BRSK1: variants seen among roughly 807,000 people sequenced by gnomAD.
BRSK1 encodes the protein BR serine/threonine kinase 1, also known as serine/threonine-protein kinase BRSK1.
A neutral mutation model predicts 86.2 loss-of-function variants in BRSK1; 17 were observed. The ratio of observed to expected loss-of-function variants is 0.20; its 90% CI spans 0.14 to 0.30. BRSK1 has a LOEUF of 0.30. BRSK1 is among the 10% of genes least tolerant of loss of function. The pLI is 1.00. For synonymous variants in BRSK1, 464 were observed against 440.1 expected, an observed-to-expected ratio of 1.05 and a Z score of -0.68; for missense variants, 719 against 1,071.9, an observed-to-expected ratio of 0.67 and a Z score of 4.60.
At chr19:55,290,270 A>G (rs1417732253) in intron 4 of BRSK1, among the ~76,000 whole-genome samples, 1 of 152,228 alleles carries the variant, frequency 6.6e-6, no homozygotes, top group African/African-American at 2.4e-5. Flanking sequence ...TGCTAGGATT[A>G]CAGGCGTGAG....
chr19:55,311,905 TTGC>T lies in BRSK1; in HGVS notation c.2180-5_2180-3del. The stretch of plus-strand genomic sequence containing the variant: ...AACCCACGAAAAACCTCTTCCTCCC[TTGC>T]AGACGAGAAGAACGGGGCCCAGACC... On this transcript the variant is annotated splice_region_variant and splice_polypyrimidine_tract_variant and intron_variant, in intron 18 of 18. Coordinates refer to ENST00000309383, the MANE Select transcript of BRSK1 (RefSeq NM_032430.2). 1 of 1,611,132 alleles carries T rather than the reference TTGC, an allele frequency of 6.2e-7. No homozygotes were observed. The highest frequency in any genetic ancestry group is 2.2e-5 in the East Asian group (1 of 44,698).
rs1285765238 is a variant in BRSK1, at chr19:55,285,707, G to A, written c.136+1129G>A. On this transcript the variant is annotated intron_variant, in intron 1 of 18. Coordinates refer to ENST00000309383, the MANE Select transcript of BRSK1 (RefSeq NM_032430.2). ...TGTTGCTGAACGCTGGCCACCGGCC[G>A]CGGCCTCCTTCCTGCCGGATGGATG... 7.9e-5 allele frequency among the ~76,000 whole-genome samples: 12 copies of A among 152,286 alleles called. No homozygotes were observed. The East Asian group carries it at 1.6e-3, about 20-fold the overall frequency.
Position 55,304,810 on chromosome 19 carries a change from C to G in BRSK1, c.1607C>G (p.Pro536Arg), listed in dbSNP as rs775079832. Residue 536 changes from proline (P) to arginine (R), a missense_variant, in exon 14 of 19, where the codon CCA becomes CGA. This residue lies in a region of BRSK1 where 143 missense variants were observed against 120.1 expected (regional missense o/e 1.19). Transcript: ENST00000309383. The surrounding 1 kb of genome is among the most constrained non-coding windows in gnomAD (Gnocchi z 5.2). ...ASPTGTPGTT[P>R]PPSPGGGVGG... ...CCCACCGGGACCCCGGGGACAACAC[C>G]ACCCCCCAGCCCCGGCGGTGGCGTC... is the stretch of plus-strand genomic sequence containing the variant. 1.3e-6 allele frequency: 2 copies of G among 1,576,444 alleles called. No individual in the cohort carries two copies. Among genetic ancestry groups the G allele is most frequent in the Non-Finnish European group, 1.7e-6 (2 of 1,164,776 alleles).
rs1413908050 is a variant in BRSK1 at position 55,312,427 on chromosome 19, C to G, written c.*359C>G. ...CCAACCCCCTCTTCCCGGGCCCCTC[C>G]TCCCCTGGTCCTCCCCCCACGACCT... On this transcript the variant is annotated 3_prime_UTR_variant, in exon 19 of 19. Transcript: ENST00000309383. 5.3e-6 allele frequency: 1 copy of G among 188,188 alleles called. No homozygotes were observed. The highest frequency in any genetic ancestry group is 1.1e-5 in the Non-Finnish European group (1 of 93,242). The allele number at this position is 188,188 out of a possible 1,614,324, so 11.7% of individuals were successfully genotyped here. A position where few individuals can be genotyped will look rare whatever the true frequency, so the allele number is the denominator to read the frequency against.
At position 55,303,230 on chromosome 19, in the gene BRSK1, C is replaced by T. The variant is rs565561555; in HGVS notation, c.1029-81C>T. 50 of 1,110,048 alleles carry T rather than the reference C, an allele frequency of 4.5e-5. No homozygotes were observed. Among genetic ancestry groups the T allele is most frequent in the South Asian group, 1.1e-4 (9 of 79,258 alleles). The allele number at this position is 1,110,048 out of a possible 1,614,324, so 68.8% of individuals were successfully genotyped here. The stretch of plus-strand genomic sequence containing the variant: ...GAACCATGGGCAGAAATACAGGGAG[C>T]GGAGGAGACCTCCTCTGAGCATTGA... On this transcript the variant is annotated intron_variant, in intron 10 of 18. Transcript: ENST00000309383. This position sits in a 1 kb window ranked among gnomAD's most constrained non-coding sequence, Gnocchi z 5.1.
At chr19:55,305,091 G>A (rs1568988039) in intron 14 of BRSK1, among the ~76,000 whole-genome samples, 171 bp downstream of exon 14, 1 of 152,166 alleles carries the variant, frequency 6.6e-6, no homozygotes, top group South Asian at 2.1e-4. Context: ...GGGGAGAGAG[G>A]TGGGGCCTCT....
rs1382160434 is a variant in BRSK1, at chr19:55,302,192, TTGGGTCCC to T, written c.857+28_857+35del. On this transcript the variant is annotated intron_variant, in intron 9 of 18. Coordinates refer to ENST00000309383, the MANE Select transcript of BRSK1 (RefSeq NM_032430.2). This position sits in a 1 kb window ranked among gnomAD's most constrained non-coding sequence, Gnocchi z 6.3. ...CTGTGAGTATGGGGTAACTGGACTC[TTGGGTCCC>T]TGGCGGAAATAGGGGAGGGGCCAAA... 1 of 1,613,568 alleles carries T rather than the reference TTGGGTCCC, an allele frequency of 6.2e-7. No homozygotes were observed. Among genetic ancestry groups the T allele is most frequent in the Admixed American group, 1.7e-5 (1 of 59,970 alleles).
Position 55,304,559 on chromosome 19 carries a change from C to T in BRSK1, c.1356C>T (p.Val452=), listed in dbSNP as rs201659625. The change falls in exon 14 of 19, where the codon GTC becomes GTT. Residue 452 remains valine (V), a synonymous_variant. Transcript: ENST00000309383. This position sits in a 1 kb window ranked among gnomAD's most constrained non-coding sequence, Gnocchi z 5.2. Reference sequence around the variant, plus strand: ...TCTCCTGTCCTCTGCAGAGTCCGGTCTTTTCCTTTTCACCGGAGCCGGGGG... The same window carrying T: ...TCTCCTGTCCTCTGCAGAGTCCGGTTTTTTCCTTTTCACCGGAGCCGGGGG... ...SSPLSSPRSP[V]FSFSPEPGAG... The T allele has an allele frequency of 4.0e-5, 64 of 1,583,730 alleles. 3 individuals are homozygous for T. In the South Asian group the frequency reaches 7.2e-4, roughly 18 times the overall value.
At chr19:55,293,135 G>A (rs1397501952) in intron 4 of BRSK1, among the ~76,000 whole-genome samples, 2 of 151,086 alleles carry the variant, frequency 1.3e-5, no homozygotes, top group Non-Finnish European at 2.9e-5. Context: ...CAAGGCAGGC[G>A]GATCACCTGA....
At position 55,306,415 on chromosome 19, in the gene BRSK1, G is replaced by A; in HGVS notation, c.2054G>A (p.Gly685Asp). 1 of 1,613,716 alleles carries A rather than the reference G, an allele frequency of 6.2e-7. No individual in the cohort carries two copies. Among genetic ancestry groups the A allele is most frequent in the Non-Finnish European group, 8.5e-7 (1 of 1,180,016 alleles). Residue 685 changes from glycine (G) to aspartate (D), a missense_variant, in exon 17 of 19, where the codon GGT becomes GAT. Transcript: ENST00000309383. The surrounding 1 kb of genome is among the most constrained non-coding windows in gnomAD (Gnocchi z 4.7). ...PSPRRDGSGG[G>D]GIYSVTFTLI... ...CCGCGACGGGACGGCAGCGGAGGTG[G>A]TGGCATCTACTCCGTCACCTTCACT...
chr19:55,298,017 G>A (rs1182670088), intron 7 of BRSK1, among the ~76,000 whole-genome samples: 1 of 151,800 alleles, frequency 6.6e-6, no homozygotes, highest in East Asian at 1.9e-4. Context: ...GTTTCTCCAT[G>A]TTGGCCAGGC....
intron 17 of BRSK1, 112 bp from the exon 18 acceptor site, chr19:55,308,527 G>C: frequency 1.3e-6 from 1 of 756,158 alleles, no homozygotes; most frequent in Non-Finnish European, 2.4e-6. Flanking sequence ...GGGAGACGGA[G>C]ATGCAGGGGG....
At chr19:55,296,890 C>T (rs1020973955) in intron 7 of BRSK1, among the ~76,000 whole-genome samples, 2 of 151,756 alleles carry the variant, frequency 1.3e-5, no homozygotes, top group Non-Finnish European at 2.9e-5. Context: ...GTGGCACCTG[C>T]CTGTAGTCCC....
At chr19:55,285,654 G>A (rs1031090332) in intron 1 of BRSK1, among the ~76,000 whole-genome samples, 1 of 152,146 alleles carries the variant, frequency 6.6e-6, no homozygotes, top group African/African-American at 2.4e-5. Context: ...CTCCTGGAGC[G>A]GCTGTGGAAA....
chr19:55,284,400 G>A lies in BRSK1; in HGVS notation c.-43G>A, dbSNP rs1049787372. 553 of 1,109,894 alleles carry A rather than the reference G, an allele frequency of 5.0e-4. 5 individuals carry two copies. Among genetic ancestry groups the A allele is most frequent in the Non-Finnish European group, 6.0e-4 (522 of 863,472 alleles). 68.8% of individuals were successfully genotyped at this position (1,109,894 alleles called of 1,614,324 possible). On this transcript the variant is annotated 5_prime_UTR_variant, in exon 1 of 19. Transcript: ENST00000309383. ...CGGAGAGACGGGGCGACGGCCGCAGGGGGGGCGGCCGGGGGACCGGTCGGG... is the reference window on the plus strand; with the variant it reads ...CGGAGAGACGGGGCGACGGCCGCAGAGGGGGCGGCCGGGGGACCGGTCGGG...
intron 15 of BRSK1, 29 bp downstream of exon 15, chr19:55,305,398 G>A (rs1306446088): frequency 1.2e-6 from 2 of 1,614,114 alleles, no homozygotes; most frequent in East Asian, 2.2e-5. Context: ...GAAAGAGTGG[G>A]GATGCAGGGG....
At position 55,287,852 on chromosome 19, in the gene BRSK1, A is replaced by G. The variant is rs575106707; in HGVS notation, c.317+553A>G. 9.3e-5 allele frequency: 15 copies of G among 161,192 alleles called. No homozygotes were observed. The highest frequency in any genetic ancestry group is 3.6e-4 in the African/African-American group (15 of 41,752). 10.0% of individuals were successfully genotyped at this position (161,192 alleles called of 1,614,324 possible). ...GGGGGTCCAGCTGTCCAGACTCCAG[A>G]GAATGGGCCTCTTTGTCCAAACTCT... On this transcript the variant is annotated intron_variant, in intron 3 of 18. Transcript: ENST00000309383. This position sits in a 1 kb window ranked among gnomAD's most constrained non-coding sequence, Gnocchi z 5.3.
chr19:55,304,391 CTT>C lies in BRSK1; in HGVS notation c.1348-158_1348-157del, dbSNP rs1243276726. On this transcript the variant is annotated intron_variant, in intron 13 of 18. Transcript: ENST00000309383. The surrounding 1 kb of genome is among the most constrained non-coding windows in gnomAD (Gnocchi z 5.2). ...TTCAGCCCACAGCATGATAGAAAGTCTTTGCTATCCTTGCTCTGGGGCCTGGG... is the reference window on the plus strand; with the variant it reads ...TTCAGCCCACAGCATGATAGAAAGTCTGCTATCCTTGCTCTGGGGCCTGGG... Among the ~76,000 whole-genome samples, 1 of 152,188 alleles carries C rather than the reference CTT, an allele frequency of 6.6e-6. No individual in the cohort carries two copies. The highest frequency in any genetic ancestry group is 1.5e-5 in the Non-Finnish European group (1 of 68,026).
Position 55,287,086 on chromosome 19 carries a change from G to C in BRSK1, c.216G>C (p.Glu72Asp). 1 of 1,613,446 alleles carries C rather than the reference G, an allele frequency of 6.2e-7. No homozygotes were observed. Among genetic ancestry groups the C allele is most frequent in the Non-Finnish European group, 8.5e-7 (1 of 1,179,826 alleles). The change falls in exon 2 of 19, where the codon GAG (glutamate) becomes GAC (aspartate). Residue 72 changes from glutamate (E) to aspartate (D), a missense_variant. Physicochemically the swap from Glu to Asp is conservative, Grantham distance 45 (BLOSUM62 2). This residue lies in a region of BRSK1 where 71 missense variants were observed against 92.6 expected (regional missense o/e 0.77). Coordinates refer to ENST00000309383, the MANE Select transcript of BRSK1 (RefSeq NM_032430.2). The surrounding 1 kb of genome is among the most constrained non-coding windows in gnomAD (Gnocchi z 5.3). ...IKIVNREKLS[E>D]SVLMKVEREI... ...TCGTGAACCGGGAGAAGCTGTCGGA[G>C]TCGGTGCTGATGAAGGTGTGTGCGC... is the stretch of plus-strand genomic sequence containing the variant.
Sources: gnomAD v4.1 joint callset for allele counts (sites outside exome capture counted in the v4.1 genomes callset) on GRCh38, gnomAD v4.1.1 for gene constraint, gnomAD v4.1.1 regional missense constraint, Gnocchi (gnomAD v3.1) non-coding constraint, MANE v1.5 for transcripts, NCBI Gene and HGNC (gene_info 2026-07-23, HGNC 2026-07-21) for gene names.